LRRTM4: variants seen among roughly 807,000 people sequenced by gnomAD.
LRRTM4 encodes leucine-rich repeat transmembrane neuronal protein 4.
Under a neutral mutation model 47.6 loss-of-function variants are expected in LRRTM4, and 25 were observed. The observed-to-expected ratio is 0.53, with a 90% CI of 0.38 to 0.73. LRRTM4 has a LOEUF of 0.73. Among genes scored for constraint, LRRTM4 ranks in the 30% least tolerant of loss-of-function variants. LRRTM4 has a pLI of 0.00. For synonymous variants in LRRTM4, 311 were observed against 269.5 expected (o/e 1.15, Z -1.51); for missense variants, 638 against 713.4 (o/e 0.89, Z 1.20).
At chr2:76,919,868 T>C (rs1674379876) in intron 3 of LRRTM4, among the ~76,000 whole-genome samples, 1 of 152,136 alleles carries the variant, frequency 6.6e-6, no homozygotes, top group South Asian at 2.1e-4. Context: ...TGTTGTGTCA[T>C]TTTCTGGTCC....
chr2:77,026,887 TTTAG>T (rs1333905084), intron 3 of LRRTM4, among the ~76,000 whole-genome samples: 2 of 152,256 alleles, frequency 1.3e-5, no homozygotes, highest in East Asian at 3.9e-4. Flanking sequence ...TCTATGAATA[TTTAG>T]TAAGATGTTC....
chr2:77,280,420 T>C lies in LRRTM4; in HGVS notation c.1551+237898A>G, dbSNP rs541383345. The stretch of plus-strand genomic sequence containing the variant: ...TTGTGAGACTTTGTTATAATAGTTA[T>C]AGAAAACAAATGCAAAGGAGCTAAC... On this transcript the variant is annotated intron_variant, in intron 3 of 3. Transcript: ENST00000409884. 4.6e-5 allele frequency among the ~76,000 whole-genome samples: 7 copies of C among 152,182 alleles called. No homozygotes were observed. In the East Asian group the frequency reaches 1.2e-3, roughly 25 times the overall value.
At chr2:76,951,891 C>G (rs1168131087) in intron 3 of LRRTM4, among the ~76,000 whole-genome samples, 5 of 151,862 alleles carry the variant, frequency 3.3e-5, no homozygotes, top group African/African-American at 1.2e-4. Context: ...GTTTAGTTTT[C>G]TGTTCCTATG....
chr2:77,517,462 C>A (rs939496176), intron 3 of LRRTM4: 4 of 984,896 alleles, frequency 4.1e-6, no homozygotes, highest in East Asian at 1.1e-4. Context: ...GTTATGACTG[C>A]CATTTTATTA....
intron 3 of LRRTM4, among the ~76,000 whole-genome samples, chr2:77,248,126 A>G (rs1048318716): frequency 1.3e-5 from 2 of 151,050 alleles, no homozygotes; most frequent in Non-Finnish European, 3.0e-5. Context: ...TTATATACAC[A>G]TAAACTGATT....
intron 3 of LRRTM4, among the ~76,000 whole-genome samples, chr2:76,770,572 G>A (rs531429021): frequency 5.9e-5 from 9 of 152,242 alleles, no homozygotes; most frequent in African/African-American, 2.2e-4. Context: ...GGGATGAAAA[G>A]GCCAGTATTT....
chr2:77,204,227 A>C (rs902089719), intron 3 of LRRTM4, among the ~76,000 whole-genome samples: 1 of 152,152 alleles, frequency 6.6e-6, no homozygotes, highest in African/African-American at 2.4e-5. Flanking sequence ...AGGGTGAAAT[A>C]CTGTGAGCTT....
chr2:77,278,398 G>C (rs1462114206), intron 3 of LRRTM4, among the ~76,000 whole-genome samples: 2 of 151,930 alleles, frequency 1.3e-5, no homozygotes, highest in Non-Finnish European at 2.9e-5. Context: ...GCTAGAAGGA[G>C]CTTAAAAATT....
intron 3 of LRRTM4, among the ~76,000 whole-genome samples, chr2:77,121,966 A>G (rs1470208873): frequency 6.6e-6 from 1 of 151,874 alleles, no homozygotes; most frequent in Non-Finnish European, 1.5e-5. Context: ...TTATAATATC[A>G]TTATTAGCAA....
chr2:77,438,332 T>A (rs1675687182), intron 3 of LRRTM4, among the ~76,000 whole-genome samples: 1 of 150,716 alleles, frequency 6.6e-6, no homozygotes, highest in Admixed American at 6.6e-5. Flanking sequence ...AGGGTGGAAA[T>A]AATAGTGTGT....
intron 3 of LRRTM4, among the ~76,000 whole-genome samples, chr2:77,255,354 TAAAC>T (rs750583700): frequency 6.6e-6 from 1 of 151,962 alleles, no homozygotes; most frequent in Non-Finnish European, 1.5e-5. Flanking sequence ...CAAGCAGTGA[TAAAC>T]AACTAGACAG....
chr2:77,059,409 T>A (rs1204928205), intron 3 of LRRTM4, among the ~76,000 whole-genome samples: 2 of 151,900 alleles, frequency 1.3e-5, no homozygotes, highest in Non-Finnish European at 2.9e-5. Context: ...AGCACTTAGA[T>A]ATTAGAACCA....
chr2:77,497,796 A>G (rs1163825565), intron 3 of LRRTM4, among the ~76,000 whole-genome samples: 1 of 151,558 alleles, frequency 6.6e-6, no homozygotes, highest in Admixed American at 6.6e-5. Context: ...TACCAGTAAT[A>G]GTCATCACCA....
At chr2:76,995,539 G>T (rs1176748895) in intron 3 of LRRTM4, among the ~76,000 whole-genome samples, 1 of 151,800 alleles carries the variant, frequency 6.6e-6, no homozygotes, top group Non-Finnish European at 1.5e-5. Flanking sequence ...GAGGCAAACG[G>T]GGGACTGGCT....
chr2:77,177,049 C>T (rs1305405285), intron 3 of LRRTM4, among the ~76,000 whole-genome samples: 1 of 152,188 alleles, frequency 6.6e-6, no homozygotes, highest in Non-Finnish European at 1.5e-5. Context: ...TCCTAAGAAA[C>T]TCATACATAT....
At chr2:76,902,424 T>C (rs1673669687) in intron 3 of LRRTM4, among the ~76,000 whole-genome samples, 1 of 152,216 alleles carries the variant, frequency 6.6e-6, no homozygotes. Flanking sequence ...GACCTTCACT[T>C]ATACTTTAGC....
In LRRTM4 at chr2:76,939,832, A is replaced by C. The variant is rs563667599; in HGVS notation, c.1552-190916T>G. ...TTCATAAATCTTTTCATTTCTCAGGAAATTTTGAAAAATGAAAATCTTGGA... is the reference window on the plus strand; with the variant it reads ...TTCATAAATCTTTTCATTTCTCAGGCAATTTTGAAAAATGAAAATCTTGGA... On this transcript the variant is annotated intron_variant, in intron 3 of 3. Transcript: ENST00000409884. Among the ~76,000 whole-genome samples the C allele has an allele frequency of 1.4e-4, 21 of 152,252 alleles. No homozygotes were observed. The South Asian group carries it at 4.1e-3, about 30-fold the overall frequency.
chr2:76,921,112 G>A (rs1041551615), intron 3 of LRRTM4, among the ~76,000 whole-genome samples: 5 of 151,760 alleles, frequency 3.3e-5, no homozygotes, highest in Non-Finnish European at 5.9e-5. Flanking sequence ...TTCTTTCTGC[G>A]GATTCTATCC....
At chr2:77,082,778 ATTTC>A (rs1224893576) in intron 3 of LRRTM4, among the ~76,000 whole-genome samples, 9 of 152,242 alleles carry the variant, frequency 5.9e-5, no homozygotes, top group South Asian at 2.1e-4. Context: ...TCTAACAAGT[ATTTC>A]TTTCTATGAT....
Sources: gnomAD v4.1 joint callset for allele counts (sites outside exome capture counted in the v4.1 genomes callset) on GRCh38, gnomAD v4.1.1 for gene constraint, MANE v1.5 for transcripts, NCBI Gene and HGNC (gene_info 2026-07-23, HGNC 2026-07-21) for gene names.